IL1RAPL1: variants seen among roughly 807,000 people sequenced by gnomAD.
The protein encoded by IL1RAPL1 is interleukin 1 receptor accessory protein like 1.
In IL1RAPL1, 3 loss-of-function variants were observed where a neutral mutation model predicts 48.4. The ratio of observed to expected loss-of-function variants is 0.06; its 90% confidence interval spans 0.03 to 0.16. IL1RAPL1 has a LOEUF of 0.16. Ranked by LOEUF, IL1RAPL1 falls within the 10% of genes least tolerant of loss-of-function variation. The pLI, the probability that IL1RAPL1 is intolerant of heterozygous loss-of-function variation, is 1.00. For missense variants in IL1RAPL1, 349 were observed against 530.6 expected (o/e 0.66, Z 3.36); for synonymous variants, 185 against 187.7 (o/e 0.99, Z 0.12).
At chrX:28,949,332 C>A (rs1924389418) in intron 2 of IL1RAPL1, among the ~76,000 whole-genome samples, 1 of 109,607 alleles carries the variant, frequency 9.1e-6, no homozygotes, top group Non-Finnish European at 1.9e-5. Flanking sequence ...TTTGCACATA[C>A]CTTTACCAAG....
chrX:29,167,955 T>C (rs528881207), intron 2 of IL1RAPL1, among the ~76,000 whole-genome samples: 1 of 111,154 alleles, frequency 9.0e-6, no homozygotes, highest in African/African-American at 3.3e-5. Flanking sequence ...TAAAAAGCGA[T>C]TATCACCATG....
At chrX:29,198,431 G>A (rs2147532040) in intron 2 of IL1RAPL1, among the ~76,000 whole-genome samples, 1 of 110,081 alleles carries the variant, frequency 9.1e-6, no homozygotes, top group South Asian at 4.0e-4. Flanking sequence ...GAGTAGCTGG[G>A]ATTACAGGTG....
chrX:29,125,209 G>A (rs1276263558), intron 2 of IL1RAPL1, among the ~76,000 whole-genome samples: 2 of 112,114 alleles, frequency 1.8e-5, no homozygotes, highest in Admixed American at 9.5e-5. Context: ...CCATTTCTAA[G>A]AATCATAGGT....
intron 7 of IL1RAPL1, among the ~76,000 whole-genome samples, chrX:29,919,551 TTTTC>T (rs1479991742): frequency 3.6e-5 from 4 of 112,628 alleles, no homozygotes; most frequent in Admixed American, 2.8e-4. Context: ...AGAAATTTTC[TTTTC>T]TTTTTTAAAA....
intron 2 of IL1RAPL1, among the ~76,000 whole-genome samples, chrX:28,798,817 A>T (rs1233588823): frequency 8.9e-6 from 1 of 111,882 alleles, no homozygotes; most frequent in Non-Finnish European, 1.9e-5. Flanking sequence ...TTGTAGCAAA[A>T]GAAGAAAAGG....
chrX:28,615,635 G>A (rs1006274129), intron 1 of IL1RAPL1, among the ~76,000 whole-genome samples: 2 of 111,154 alleles, frequency 1.8e-5, no homozygotes, highest in Non-Finnish European at 3.8e-5. Context: ...GGCCATGGAA[G>A]CTTGAAGGTC....
intron 2 of IL1RAPL1, among the ~76,000 whole-genome samples, chrX:29,029,041 G>A (rs1212166508): frequency 9.0e-6 from 1 of 111,435 alleles, no homozygotes; most frequent in Non-Finnish European, 1.9e-5. Context: ...AAGGCAAAGG[G>A]GCAGCAAGGC....
intron 6 of IL1RAPL1, among the ~76,000 whole-genome samples, chrX:29,715,950 T>C (rs769360891): frequency 2.7e-5 from 3 of 112,326 alleles, no homozygotes; most frequent in East Asian, 5.6e-4. Context: ...AGCAGCATGA[T>C]TGATACTATG....
chrX:29,626,659 G>T (rs1266181107), intron 5 of IL1RAPL1, among the ~76,000 whole-genome samples: 9 of 111,788 alleles, frequency 8.1e-5, no homozygotes, highest in African/African-American at 2.9e-4. Context: ...GAAGAAGGAA[G>T]AATGAAACAC....
At chrX:28,588,762 A>C (rs1933876178) in intron 1 of IL1RAPL1, among the ~76,000 whole-genome samples, 1 of 112,567 alleles carries the variant, frequency 8.9e-6, no homozygotes, top group African/African-American at 3.2e-5. Flanking sequence ...TATCTTAAAT[A>C]TCACCACAGT....
rs1258437211 is a variant in IL1RAPL1 at position 29,161,059 on chromosome X, CA to C, written c.83-121865del. 6.0e-3 allele frequency among the ~76,000 whole-genome samples: 487 copies of C among 81,724 alleles called. 1 individual carries two copies. Among genetic ancestry groups the C allele is most frequent in the Middle Eastern group, 0.043 (6 of 141 alleles). The allele number at this position is 81,724 out of a possible 115,157, so 71.0% of individuals were successfully genotyped here. A position where few individuals can be genotyped will look rare whatever the true frequency, so the allele number is the denominator to read the frequency against. On this transcript the variant is annotated intron_variant, in intron 2 of 10. Transcript: ENST00000378993. ...CTGGGTGCAAAGCGAGACTCTGTCT[CA>C]AAAAAAAAAAAAAGTGTGATAACTG...
At chrX:29,909,961 C>T (rs1932732525) in intron 6 of IL1RAPL1, among the ~76,000 whole-genome samples, 1 of 111,110 alleles carries the variant, frequency 9.0e-6, no homozygotes, top group Non-Finnish European at 1.9e-5. Flanking sequence ...TGCATGCGTA[C>T]GTTCATTGCA....
intron 2 of IL1RAPL1, among the ~76,000 whole-genome samples, chrX:29,181,349 C>T (rs778342257): frequency 8.9e-6 from 1 of 111,864 alleles, no homozygotes; most frequent in African/African-American, 3.2e-5. Context: ...TGTTAGGTCT[C>T]CATGGAGCTC....
intron 6 of IL1RAPL1, among the ~76,000 whole-genome samples, chrX:29,766,189 A>G (rs182528668): frequency 0.14 from 14,754 of 103,972 alleles, 1,196 homozygotes; most frequent in African/African-American, 0.28. Flanking sequence ...TTAGCCGGGC[A>G]TGGTGGCACA....
At chrX:29,055,606 T>A (rs754000533) in intron 2 of IL1RAPL1, among the ~76,000 whole-genome samples, 8 of 112,101 alleles carry the variant, frequency 7.1e-5, no homozygotes, top group Non-Finnish European at 1.3e-4. Flanking sequence ...AAAACAAAGC[T>A]ATGTCCTACT....
chrX:29,146,526 T>C (rs888426488), intron 2 of IL1RAPL1, among the ~76,000 whole-genome samples: 12 of 111,858 alleles, frequency 1.1e-4, no homozygotes, highest in Non-Finnish European at 2.1e-4. Context: ...GGCAAGAATT[T>C]TTGTTTTTTC....
At chrX:29,491,814 T>C in intron 5 of IL1RAPL1, among the ~76,000 whole-genome samples, 1 of 111,354 alleles carries the variant, frequency 9.0e-6, no homozygotes, top group East Asian at 2.8e-4. Flanking sequence ...GGGAGCATTC[T>C]AGATAAGTCT....
chrX:28,594,728 A>G (rs1023206037), intron 1 of IL1RAPL1, among the ~76,000 whole-genome samples: 2 of 111,911 alleles, frequency 1.8e-5, no homozygotes, highest in African/African-American at 6.5e-5. Flanking sequence ...TTTGGCCTCT[A>G]GCTTACTTTA....
chrX:29,423,573 A>T (rs1934316818), intron 5 of IL1RAPL1, among the ~76,000 whole-genome samples: 1 of 112,190 alleles, frequency 8.9e-6, no homozygotes, highest in Non-Finnish European at 1.9e-5. Flanking sequence ...CCATGGTAAA[A>T]TTATAACTTA....
Sources: allele counts gnomAD v4.1 joint callset (sites outside exome capture counted in the v4.1 genomes callset), GRCh38; gene constraint gnomAD v4.1.1; transcripts MANE v1.5; gene names NCBI Gene and HGNC (gene_info 2026-07-23, HGNC 2026-07-21).